The following TEAD4 variants were observed in gnomAD, a reference collection of about 807,000 sequenced individuals.
TEAD4 encodes transcriptional enhancer factor TEF-3.
A neutral mutation model predicts 52.4 loss-of-function variants in TEAD4; 36 were observed. The observed-to-expected ratio is 0.69, with a 90% confidence interval of 0.53 to 0.91. The LOEUF (loss-of-function observed/expected upper bound fraction) is 0.91, where lower values mean the gene tolerates loss of function less well. Ranked by LOEUF, TEAD4 falls within the 40% of genes least tolerant of loss-of-function variation. TEAD4 has a pLI of 0.00. For missense variants in TEAD4, 508 were observed against 583.9 expected (o/e 0.87, Z 1.34); for synonymous variants, 220 against 231.0 (o/e 0.95, Z 0.43).
chr12:3,030,825 C>T (rs1386268004), intron 10 of TEAD4, among the ~76,000 whole-genome samples: 3 of 152,098 alleles, frequency 2.0e-5, no homozygotes, highest in African/African-American at 7.2e-5. Context: ...GCTGGGTGGA[C>T]GGTCATGGCC....
At chr12:2,997,909 T>C (rs375136095) in intron 3 of TEAD4, among the ~76,000 whole-genome samples, 1 of 152,118 alleles carries the variant, frequency 6.6e-6, no homozygotes, top group East Asian at 1.9e-4. Flanking sequence ...TTCACATTGA[T>C]GTACAGCCAT....
intron 5 of TEAD4, among the ~76,000 whole-genome samples, chr12:3,014,200 C>T (rs577768552): frequency 1.3e-5 from 2 of 152,234 alleles, no homozygotes; most frequent in Non-Finnish European, 2.9e-5. Flanking sequence ...GCCCTGCTCC[C>T]TGTTTCCCCT....
chr12:3,004,335 C>A (rs2098254133), intron 3 of TEAD4, among the ~76,000 whole-genome samples: 1 of 152,234 alleles, frequency 6.6e-6, no homozygotes, highest in Non-Finnish European at 1.5e-5. Flanking sequence ...AACATACCTT[C>A]TCGTGGTGCC....
At chr12:2,978,375 T>A (rs57659069) in intron 2 of TEAD4, among the ~76,000 whole-genome samples, 284 of 19,736 alleles carry the variant, frequency 0.014, 4 homozygotes, top group African/African-American at 0.024. Context: ...AGTAAGTGCC[T>A]GTTTTTTTTT....
chr12:2,989,737 A>G (rs2098241582), intron 2 of TEAD4, among the ~76,000 whole-genome samples: 1 of 152,226 alleles, frequency 6.6e-6, no homozygotes, highest in Admixed American at 6.5e-5. Flanking sequence ...ACCACACCAG[A>G]AAGAAGTTCA....
intron 2 of TEAD4, among the ~76,000 whole-genome samples, chr12:2,972,290 C>T (rs559324432): frequency 1.3e-5 from 2 of 152,130 alleles, no homozygotes; most frequent in East Asian, 3.9e-4. Flanking sequence ...CTGTGTTGCC[C>T]AGGCTGGTCT....
chr12:2,963,843 C>A (rs1462433869), intron 2 of TEAD4, among the ~76,000 whole-genome samples: 3 of 152,142 alleles, frequency 2.0e-5, no homozygotes, highest in Non-Finnish European at 2.9e-5. Flanking sequence ...AGAGGATGGG[C>A]CAGGCTCCCT....
At chr12:2,980,165 T>G (rs1243984096) in intron 2 of TEAD4, among the ~76,000 whole-genome samples, 1 of 152,118 alleles carries the variant, frequency 6.6e-6, no homozygotes, top group Non-Finnish European at 1.5e-5. Context: ...TCTCCTCACT[T>G]ATACATTGGA....
intron 10 of TEAD4, among the ~76,000 whole-genome samples, chr12:3,035,806 C>G (rs1457380381): frequency 9.5e-6 from 1 of 104,740 alleles, no homozygotes; most frequent in African/African-American, 3.2e-5. Context: ...AGTGACAGAA[C>G]AAGATTCTGT....
At chr12:2,963,892 G>T (rs958874109) in intron 2 of TEAD4, among the ~76,000 whole-genome samples, 1 of 152,162 alleles carries the variant, frequency 6.6e-6, no homozygotes, top group East Asian at 1.9e-4. Flanking sequence ...GTGGGCAGGC[G>T]GGCCCCCATG....
intron 10 of TEAD4, among the ~76,000 whole-genome samples, chr12:3,024,955 T>C (rs1188944885): frequency 1.3e-5 from 2 of 151,968 alleles, no homozygotes; most frequent in Non-Finnish European, 2.9e-5. Context: ...TTCTTTTTTT[T>C]TTTTTTTGAG....
intron 2 of TEAD4, among the ~76,000 whole-genome samples, chr12:2,977,213 TG>T (rs1359092457): frequency 6.6e-6 from 1 of 152,176 alleles, no homozygotes; most frequent in Non-Finnish European, 1.5e-5. Context: ...CCCAGGTCCC[TG>T]TGAGGCTGGG....
chr12:3,011,158 C>G (rs568039101), intron 4 of TEAD4, 90 bp downstream of exon 4: 2 of 1,409,038 alleles, frequency 1.4e-6, no homozygotes, highest in Non-Finnish European at 2.0e-6. Context: ...CAGGACCAGA[C>G]GCAGGCTTTT....
chr12:2,979,875 G>T (rs902651800), intron 2 of TEAD4, among the ~76,000 whole-genome samples: 3 of 152,150 alleles, frequency 2.0e-5, no homozygotes, highest in Non-Finnish European at 4.4e-5. Flanking sequence ...TATAGTACAT[G>T]CCCAGTGAAC....
At chr12:2,981,594 T>G (rs2098234163) in intron 2 of TEAD4, among the ~76,000 whole-genome samples, 1 of 152,128 alleles carries the variant, frequency 6.6e-6, no homozygotes. Flanking sequence ...CCCATCCCCA[T>G]CTGAAGTCTG....
At chr12:2,962,300 A>AT (rs1196047607) in intron 2 of TEAD4, among the ~76,000 whole-genome samples, 8 of 118,722 alleles carry the variant, frequency 6.7e-5, no homozygotes, top group Non-Finnish European at 1.1e-4. Context: ...TTATATATAT[A>AT]AATATAAATA....
At chr12:3,003,600 T>C (rs2098253431) in intron 3 of TEAD4, among the ~76,000 whole-genome samples, 1 of 152,160 alleles carries the variant, frequency 6.6e-6, no homozygotes, top group Non-Finnish European at 1.5e-5. Context: ...CCTCAGCCTT[T>C]AGGCCAAGGC....
At chr12:2,981,400 G>T (rs1217855945) in intron 2 of TEAD4, among the ~76,000 whole-genome samples, 7 of 152,210 alleles carry the variant, frequency 4.6e-5, no homozygotes, top group Non-Finnish European at 8.8e-5. Flanking sequence ...CAACTGACTG[G>T]CCAGAGTAGC....
chr12:3,018,393 T>A, intron 6 of TEAD4, 152 bp from the exon 7 acceptor site: 2 of 806,958 alleles, frequency 2.5e-6, no homozygotes, highest in South Asian at 1.6e-5. Flanking sequence ...GGGGTGCTGC[T>A]GTGGCCTGTT....
Sources: gnomAD v4.1 joint callset for allele counts (sites outside exome capture counted in the v4.1 genomes callset) on GRCh38, gnomAD v4.1.1 for gene constraint, MANE v1.5 for transcripts, NCBI Gene and HGNC (gene_info 2026-07-23, HGNC 2026-07-21) for gene names.